The following ANO6 variants were observed in gnomAD, a reference collection of about 807,000 sequenced individuals.
ANO6 encodes the protein anoctamin-6.
In ANO6, 106 loss-of-function variants were observed where a neutral mutation model predicts 117.5. That is an observed-to-expected ratio of 0.90 (90% CI 0.77 to 1.06). ANO6 has a LOEUF of 1.06. Ranked by LOEUF, ANO6 falls within the 50% of genes least tolerant of loss-of-function variation. ANO6 has a pLI of 0.00. For synonymous variants in ANO6, 367 were observed against 385.1 expected, an observed-to-expected ratio of 0.95 and a Z score of 0.55; for missense variants, 955 against 1,121.1, an observed-to-expected ratio of 0.85 and a Z score of 2.12.
intron 16 of ANO6, among the ~76,000 whole-genome samples, chr12:45,414,137 T>C (rs1943155636): frequency 6.6e-6 from 1 of 151,930 alleles, no homozygotes; most frequent in South Asian, 2.1e-4. Flanking sequence ...AGGGAGTAGT[T>C]ACTCTACCAC....
chr12:45,385,507 G>A (rs1347440316), intron 10 of ANO6, among the ~76,000 whole-genome samples: 3 of 152,094 alleles, frequency 2.0e-5, no homozygotes, highest in South Asian at 2.1e-4. Context: ...ATGTTATGCT[G>A]CTTCATATGC....
chr12:45,298,783 A>AAC (rs1379753661), intron 1 of ANO6, among the ~76,000 whole-genome samples: 1 of 152,228 alleles, frequency 6.6e-6, no homozygotes, highest in Non-Finnish European at 1.5e-5. Context: ...TATTGGATAG[A>AAC]ACATCTGGGT....
At chr12:45,352,946 A>G (rs1474053098) in intron 7 of ANO6, among the ~76,000 whole-genome samples, 1 of 149,852 alleles carries the variant, frequency 6.7e-6, no homozygotes, top group Non-Finnish European at 1.5e-5. Flanking sequence ...TTCATTCCCT[A>G]TTTTGCTGAT....
intron 3 of ANO6, among the ~76,000 whole-genome samples, 158 bp downstream of exon 3, chr12:45,331,581 CAA>C (rs1246877161): frequency 6.6e-6 from 1 of 152,028 alleles, no homozygotes; most frequent in African/African-American, 2.4e-5. Flanking sequence ...AGCATATTAA[CAA>C]AACGTTTTTT....
chr12:45,271,310 C>G (rs1352142955), intron 1 of ANO6, among the ~76,000 whole-genome samples: 1 of 152,030 alleles, frequency 6.6e-6, no homozygotes, highest in Non-Finnish European at 1.5e-5. Flanking sequence ...GTAAATGATG[C>G]TATTTTATAA....
chr12:45,324,758 C>T (rs1387628008), intron 2 of ANO6, among the ~76,000 whole-genome samples: 1 of 152,154 alleles, frequency 6.6e-6, no homozygotes, highest in African/African-American at 2.4e-5. Flanking sequence ...ATCTGAGAAC[C>T]TAGTAAAGAA....
At chr12:45,334,018 A>C (rs1229267601) in intron 3 of ANO6, among the ~76,000 whole-genome samples, 1 of 152,098 alleles carries the variant, frequency 6.6e-6, no homozygotes, top group Non-Finnish European at 1.5e-5. Flanking sequence ...AAAAACATAG[A>C]GTATTTAAAA....
chr12:45,237,968 T>C (rs1015056275), intron 1 of ANO6, among the ~76,000 whole-genome samples: 20 of 152,108 alleles, frequency 1.3e-4, no homozygotes, highest in Admixed American at 1.3e-3. Flanking sequence ...TCCTAGCTAT[T>C]TTATTCTCTT....
chr12:45,260,362 G>C (rs1937984316), intron 1 of ANO6, among the ~76,000 whole-genome samples: 1 of 152,236 alleles, frequency 6.6e-6, no homozygotes, highest in African/African-American at 2.4e-5. Flanking sequence ...AAAGATAGGG[G>C]CTGCTCTTTT....
chr12:45,388,073 C>G, intron 10 of ANO6, 88 bp from the exon 11 acceptor site: 1 of 1,542,692 alleles, frequency 6.5e-7, no homozygotes, highest in Non-Finnish European at 8.9e-7. Context: ...CAGGCCAGTA[C>G]AATGGATAAT....
chr12:45,269,867 CTT>C (rs929707311), intron 1 of ANO6, among the ~76,000 whole-genome samples: 3 of 152,128 alleles, frequency 2.0e-5, no homozygotes, highest in Non-Finnish European at 4.4e-5. Context: ...TTTTCCCATC[CTT>C]CATTGACCAT....
At position 45,357,441 on chromosome 12, in the gene ANO6, C is replaced by T; in HGVS notation, c.998+17C>T. 6.2e-7 allele frequency: 1 copy of T among 1,612,850 alleles called. No homozygotes were observed. The highest frequency in any genetic ancestry group is 8.5e-7 in the Non-Finnish European group (1 of 1,179,916). ...TACATGGAGGTAACCTCTGTTTATT[C>T]CTTGTTGCCATGCTGAAAAGTTTAT... On this transcript the variant is annotated intron_variant, in intron 8 of 19. Transcript: ENST00000320560.
At chr12:45,302,798 G>A (rs960903857) in intron 2 of ANO6, among the ~76,000 whole-genome samples, 42 of 152,170 alleles carry the variant, frequency 2.8e-4, no homozygotes, top group African/African-American at 9.9e-4. Context: ...AAGTGTTTCT[G>A]TGACTCATGT....
rs9788118 is a variant in ANO6, at chr12:45,376,999, A to G, written c.1105-1054A>G. The stretch of plus-strand genomic sequence containing the variant: ...AAATTAGATGGATGAGAATGTCGCT[A>G]TTCTTTTATGAAGATAACTAATATT... On this transcript the variant is annotated intron_variant, in intron 9 of 19. Coordinates refer to ENST00000320560, the MANE Select transcript of ANO6 (RefSeq NM_001025356.3). Among the ~76,000 whole-genome samples the G allele has an allele frequency of 2.0e-3, 305 of 152,272 alleles. 7 individuals carry two copies. The South Asian group carries it at 0.039, about 20-fold the overall frequency.
intron 17 of ANO6, among the ~76,000 whole-genome samples, chr12:45,420,490 T>C (rs1296342261): frequency 6.6e-6 from 1 of 151,042 alleles, no homozygotes; most frequent in Non-Finnish European, 1.5e-5. Context: ...TGGTGGAGTG[T>C]ACCTGTAATT....
intron 13 of ANO6, 26 bp from the exon 14 acceptor site, chr12:45,403,046 C>G: frequency 6.2e-7 from 1 of 1,610,564 alleles, no homozygotes; most frequent in Non-Finnish European, 8.5e-7. Flanking sequence ...ATTTTAAAAT[C>G]TTATTTCTCT....
At chr12:45,270,563 C>T in intron 1 of ANO6, 1 of 666,128 alleles carries the variant, frequency 1.5e-6, no homozygotes, top group East Asian at 3.2e-5. Flanking sequence ...AGCATCCTTC[C>T]TTCTTTTTCC....
At chr12:45,236,469 A>C (rs561193526) in intron 1 of ANO6, among the ~76,000 whole-genome samples, 1 of 152,308 alleles carries the variant, frequency 6.6e-6, no homozygotes, top group South Asian at 2.1e-4. Context: ...ACTATAAATG[A>C]GAACATGAGT....
chr12:45,328,130 G>A (rs1940534162), intron 2 of ANO6, among the ~76,000 whole-genome samples: 1 of 152,086 alleles, frequency 6.6e-6, no homozygotes, highest in Non-Finnish European at 1.5e-5. Flanking sequence ...ATCCTTGAAT[G>A]GGCTCCTTTT....
Sources: allele counts gnomAD v4.1 joint callset (sites outside exome capture counted in the v4.1 genomes callset), GRCh38; gene constraint gnomAD v4.1.1; transcripts MANE v1.5; gene names NCBI Gene and HGNC (gene_info 2026-07-23, HGNC 2026-07-21).